IQSEC2: variants seen among roughly 807,000 people sequenced by gnomAD.
IQSEC2 encodes the protein IQ motif and SEC7 domain-containing protein 2.
IQSEC2 carries 6 observed loss-of-function variants against 74.6 expected under a neutral mutation model. That is an observed-to-expected ratio of 0.08 (90% CI 0.04 to 0.16). IQSEC2 has a LOEUF of 0.16. IQSEC2 is among the 10% of genes least tolerant of loss of function. IQSEC2 has a pLI of 1.00. For synonymous variants in IQSEC2, 494 were observed against 544.5 expected (o/e 0.91, Z 1.29); for missense variants, 734 against 1,306.2 (o/e 0.56, Z 6.75).
At position 53,235,274 on chromosome X, in the gene IQSEC2, G is replaced by A. The variant is rs1556859402; in HGVS notation, c.3502-90C>T. 9.3e-6 allele frequency: 10 copies of A among 1,070,546 alleles called. No individual in the cohort carries two copies. In the East Asian group the frequency reaches 3.0e-4, roughly 32 times the overall value. 88.2% of individuals were successfully genotyped at this position (1,070,546 alleles called of 1,213,427 possible). The stretch of plus-strand genomic sequence containing the variant: ...ACCCCTGTCCCTGAGGGCTGGAGCT[G>A]GGGAGACAGCAAACCCCAAGTTGTA... On this transcript the variant is annotated intron_variant, in intron 14 of 14. Transcript: ENST00000642864.
chrX:53,228,311 A>G (rs1556857994), downstream of IQSEC2, among the ~76,000 whole-genome samples: 1 of 111,960 alleles, frequency 8.9e-6, no homozygotes, highest in Admixed American at 9.5e-5. Flanking sequence ...CTGCCGTACA[A>G]TTCTGCCTGT....
At position 53,257,365 on chromosome X, in the gene IQSEC2, G is replaced by A. The variant is rs190813626; in HGVS notation, c.738-1304C>T. On this transcript the variant is annotated intron_variant, in intron 2 of 14. Transcript: ENST00000642864. Reference sequence around the variant, plus strand: ...TGTGAAGGCTGCGCCCACGAGGCCCGGTCCCGGGCTGCAGCGCTGTGGAGC... The same window carrying A: ...TGTGAAGGCTGCGCCCACGAGGCCCAGTCCCGGGCTGCAGCGCTGTGGAGC... Among the ~76,000 whole-genome samples, 342 of 112,631 alleles carry A rather than the reference G, an allele frequency of 3.0e-3. 3 individuals carry two copies. Among genetic ancestry groups the A allele is most frequent in the African/African-American group, 0.01 (324 of 31,074 alleles).
chrX:53,305,106 ATGGAGTATCACCATAT>A (rs1404734267), intron 1 of IQSEC2, among the ~76,000 whole-genome samples: 3 of 110,153 alleles, frequency 2.7e-5, no homozygotes, highest in African/African-American at 9.9e-5. Context: ...TTTAGTAGAG[ATGGAGTATCACCATAT>A]TGGCCAGGCT....
At chrX:53,294,202 T>C (rs1366275234) in intron 1 of IQSEC2, among the ~76,000 whole-genome samples, 8 of 112,267 alleles carry the variant, frequency 7.1e-5, no homozygotes, top group African/African-American at 2.6e-4. Flanking sequence ...ATGTGATATG[T>C]GACAGTCCTC....
At chrX:53,247,780 C>T (rs1047703881) in intron 7 of IQSEC2, among the ~76,000 whole-genome samples, 15 of 112,240 alleles carry the variant, frequency 1.3e-4, no homozygotes, top group Non-Finnish European at 2.8e-4. Flanking sequence ...GGAATAATAA[C>T]AGAAGTGCCT....
In IQSEC2 at chrX:53,238,137, C is replaced by A; in HGVS notation, c.3277+8G>T. Reference sequence around the variant, plus strand: ...AGAGCAGGGAGGAGACATGGCTGGGCTACTCACACTCCACACGGTATTTCT... The same window carrying A: ...AGAGCAGGGAGGAGACATGGCTGGGATACTCACACTCCACACGGTATTTCT... On this transcript the variant is annotated splice_region_variant and intron_variant, in intron 12 of 14. Coordinates refer to ENST00000642864, the MANE Select transcript of IQSEC2 (RefSeq NM_001111125.3). The A allele has an allele frequency of 8.4e-7, 1 of 1,196,859 alleles. No individual in the cohort carries two copies. The highest frequency in any genetic ancestry group is 1.1e-6 in the Non-Finnish European group (1 of 887,995).
chrX:53,321,002 C>T lies in IQSEC2; in HGVS notation c.122G>A (p.Arg41Gln). The change falls in exon 1 of 15, where the codon CGG becomes CAG. Residue 41 changes from arginine (R) to glutamine (Q), a missense_variant. Arg to Gln is a conservative substitution (Grantham distance 43). Transcript: ENST00000642864. ...ESQQQLLETQRRRIEELEGQL... is the reference protein window; with the variant it reads ...ESQQQLLETQQRRIEELEGQL... ...GCCCTCCAGCTCCTCGATGCGCCGC[C>T]GCTGGGTTTCCAGCAGCTGCTGCTG... 1.7e-6 allele frequency: 2 copies of T among 1,158,015 alleles called. No individual in the cohort carries two copies. Among genetic ancestry groups the T allele is most frequent in the South Asian group, 3.8e-5 (2 of 52,620 alleles).
chrX:53,285,820 G>A (rs781974716), intron 2 of IQSEC2, among the ~76,000 whole-genome samples: 6 of 112,950 alleles, frequency 5.3e-5, no homozygotes, highest in Non-Finnish European at 1.1e-4. Flanking sequence ...CAGAGGATGC[G>A]AGGTCAGGGC....
At chrX:53,291,987 C>T in intron 1 of IQSEC2, 63 bp from the exon 2 acceptor site, 2 of 1,034,831 alleles carry the variant, frequency 1.9e-6, no homozygotes, top group Non-Finnish European at 2.6e-6. Flanking sequence ...TCCCTCTGCC[C>T]TAGGTAGAGT....
intron 2 of IQSEC2, among the ~76,000 whole-genome samples, chrX:53,256,629 T>G (rs1556865336): frequency 9.0e-6 from 1 of 111,321 alleles, no homozygotes; most frequent in African/African-American, 3.3e-5. Flanking sequence ...CCCAGCCCTG[T>G]CCCCTGCAGC....
At chrX:53,279,927 G>GGGGAAGGAAGGA (rs2074920119) in intron 2 of IQSEC2, among the ~76,000 whole-genome samples, 1 of 53,305 alleles carries the variant, frequency 1.9e-5, no homozygotes, top group African/African-American at 8.5e-5. Flanking sequence ...GGGAGGGAGG[G>GGGGAAGGAAGGA]AGGGAGGAAG....
intron 2 of IQSEC2, among the ~76,000 whole-genome samples, chrX:53,278,010 T>C (rs868931347): frequency 1.1e-4 from 8 of 70,858 alleles, no homozygotes; most frequent in African/African-American, 4.0e-4. Flanking sequence ...TTTCTTTTTT[T>C]TTTTTTTTTT....
chrX:53,290,050 G>A (rs5978154), intron 2 of IQSEC2, among the ~76,000 whole-genome samples: 24,880 of 111,166 alleles, frequency 0.22, 2,641 homozygotes, highest in Middle Eastern at 0.35. Flanking sequence ...GCTGTCGAGA[G>A]CTCCCGTGGT....
At position 53,254,666 on chromosome X, in the gene IQSEC2, C is replaced by T. The variant is rs782441771; in HGVS notation, c.1265G>A (p.Arg422Gln). The T allele has an allele frequency of 5.8e-6, 7 of 1,208,839 alleles. No individual in the cohort carries two copies. Among genetic ancestry groups the T allele is most frequent in the African/African-American group, 1.7e-5 (1 of 57,280 alleles). Residue 422 changes from arginine to glutamine, a missense_variant, in exon 4 of 15, where the codon CGG (arginine) becomes CAG (glutamine). Arg to Gln is a conservative substitution (Grantham distance 43, BLOSUM62 1). Around this residue, in one of 12 missense-constraint regions of IQSEC2, gnomAD observed 204 missense variants for 305.4 expected, o/e 0.67. Transcript: ENST00000642864. ...SLDEGAMAGA[R>Q]SHRLERGLPY... ...GAGCCCCCGTTCAAGCCGGTGGCTC[C>T]GGGCACCAGCCATGGCACCCTCGTC...
chrX:53,245,299 G>A (rs781785897), intron 8 of IQSEC2, among the ~76,000 whole-genome samples: 31 of 109,281 alleles, frequency 2.8e-4, no homozygotes, highest in African/African-American at 8.3e-4. Flanking sequence ...ATGGTGGCAC[G>A]CGCCTATAGT....
intron 1 of IQSEC2, among the ~76,000 whole-genome samples, chrX:53,313,538 G>A (rs1556878425): frequency 9.0e-6 from 1 of 111,619 alleles, no homozygotes; most frequent in African/African-American, 3.3e-5. Flanking sequence ...TGCCCTAAAC[G>A]AGCTTCCCCA....
chrX:53,278,674 C>A (rs1192697199), intron 2 of IQSEC2, among the ~76,000 whole-genome samples: 2 of 111,738 alleles, frequency 1.8e-5, no homozygotes, highest in Non-Finnish European at 3.8e-5. Flanking sequence ...AATCCCTGTG[C>A]CCATATTTTA....
intron 2 of IQSEC2, among the ~76,000 whole-genome samples, chrX:53,262,823 G>A (rs900067051): frequency 1.8e-5 from 2 of 112,808 alleles, no homozygotes; most frequent in African/African-American, 6.4e-5. Flanking sequence ...CTTTGCTGCT[G>A]TGCAGCCCTA....
intron 2 of IQSEC2, among the ~76,000 whole-genome samples, chrX:53,287,066 G>A: frequency 9.0e-6 from 1 of 111,242 alleles, no homozygotes; most frequent in Middle Eastern, 4.2e-3. Context: ...CAGCGAGACA[G>A]CAACCTTGGT....
Sources: allele counts gnomAD v4.1 joint callset (sites outside exome capture counted in the v4.1 genomes callset), GRCh38; gene constraint gnomAD v4.1.1; regional missense constraint gnomAD v4.1.1; transcripts MANE v1.5; gene names NCBI Gene and HGNC (gene_info 2026-07-23, HGNC 2026-07-21).